PPFIA2: variants seen among roughly 807,000 people sequenced by gnomAD.
PPFIA2 encodes the protein liprin-alpha-2.
A neutral mutation model predicts 175.5 loss-of-function variants in PPFIA2; 46 were observed. That is an observed-to-expected ratio of 0.26 (90% CI 0.21 to 0.34). PPFIA2 has a LOEUF of 0.34. Among genes scored for constraint, PPFIA2 ranks in the 10% least tolerant of loss-of-function variants. The probability of loss-of-function intolerance (pLI) is 1.00; values close to 1 mark genes in which losing one functional copy is unlikely to be tolerated. For missense variants in PPFIA2, 1,179 were observed against 1,506.1 expected, an observed-to-expected ratio of 0.78 and a Z score of 3.60; for synonymous variants, 568 against 511.4, an observed-to-expected ratio of 1.11 and a Z score of -1.49.
In PPFIA2 at chr12:81,352,040, C is replaced by A. The variant is rs1049143874; in HGVS notation, c.1994+1079G>T. On this transcript the variant is annotated intron_variant, in intron 17 of 32. Transcript: ENST00000549396. ...TTTATTTTTTCTCAAGTGTTCCAGG[C>A]AGAGAAGAGGACTCTATCCTGCTTT... is the stretch of plus-strand genomic sequence containing the variant. 2.6e-5 allele frequency among the ~76,000 whole-genome samples: 4 copies of A among 152,198 alleles called. No individual in the cohort carries two copies. The East Asian group carries it at 7.8e-4, about 30-fold the overall frequency.
intron 4 of PPFIA2, among the ~76,000 whole-genome samples, chr12:81,613,240 G>C (rs1378150461): frequency 6.6e-6 from 1 of 152,046 alleles, no homozygotes; most frequent in Non-Finnish European, 1.5e-5. Context: ...TGCCTACATA[G>C]TTCCAGAGTT....
chr12:81,492,986 C>A (rs951351699), intron 4 of PPFIA2, among the ~76,000 whole-genome samples: 6 of 151,848 alleles, frequency 4.0e-5, no homozygotes, highest in African/African-American at 1.5e-4. Flanking sequence ...GCAGGTTGAA[C>A]AATTATATGT....
intron 2 of PPFIA2, 41 bp downstream of exon 2, chr12:81,758,359 C>T: frequency 2.2e-6 from 1 of 455,882 alleles, no homozygotes; most frequent in South Asian, 1.6e-5. Flanking sequence ...TCAAAAAATA[C>T]AGCGAAAGGA....
intron 15 of PPFIA2, among the ~76,000 whole-genome samples, chr12:81,361,381 T>C (rs2030233359): frequency 6.6e-6 from 1 of 151,690 alleles, no homozygotes; most frequent in Non-Finnish European, 1.5e-5. Flanking sequence ...ACACATAACA[T>C]TGAAATAATA....
At chr12:81,373,957 T>C (rs542972653) in intron 11 of PPFIA2, among the ~76,000 whole-genome samples, 2 of 152,186 alleles carry the variant, frequency 1.3e-5, no homozygotes, top group East Asian at 1.9e-4. Context: ...TTGTGACATA[T>C]ACATACACTT....
intron 28 of PPFIA2, among the ~76,000 whole-genome samples, chr12:81,275,613 C>T (rs1293852851): frequency 6.6e-6 from 1 of 151,998 alleles, no homozygotes; most frequent in Non-Finnish European, 1.5e-5. Flanking sequence ...GAGATTCATG[C>T]CTACCCTTGA....
intron 6 of PPFIA2, among the ~76,000 whole-genome samples, chr12:81,443,641 G>A (rs1195484021): frequency 1.3e-5 from 2 of 151,898 alleles, no homozygotes; most frequent in African/African-American, 4.8e-5. Context: ...CAAGTGATAT[G>A]GGAATGCTTA....
intron 10 of PPFIA2, among the ~76,000 whole-genome samples, chr12:81,375,163 C>T (rs1271253256): frequency 2.0e-5 from 3 of 152,116 alleles, no homozygotes; most frequent in Admixed American, 2.0e-4. Context: ...ATAAGGTTGA[C>T]AAACATTTTC....
intron 22 of PPFIA2, among the ~76,000 whole-genome samples, chr12:81,317,489 G>T (rs1055879313): frequency 7.2e-6 from 1 of 139,232 alleles, no homozygotes; most frequent in Non-Finnish European, 1.6e-5. Flanking sequence ...CTGGAAAGAA[G>T]AAAATCAACA....
chr12:81,344,544 TTAAA>T, intron 19 of PPFIA2, 116 bp downstream of exon 19: 1 of 657,928 alleles, frequency 1.5e-6, no homozygotes, highest in Non-Finnish European at 2.5e-6. Context: ...TCAATACACT[TTAAA>T]TACTCTCAAC....
chr12:81,707,381 C>T (rs1203647560), intron 3 of PPFIA2, among the ~76,000 whole-genome samples: 1 of 152,120 alleles, frequency 6.6e-6, no homozygotes, highest in Non-Finnish European at 1.5e-5. Flanking sequence ...AGTCACTTCT[C>T]AGAAGAAGAC....
At chr12:81,741,251 T>C (rs1922566) in intron 3 of PPFIA2, among the ~76,000 whole-genome samples, 25,927 of 152,218 alleles carry the variant, frequency 0.17, 2,678 homozygotes, top group Middle Eastern at 0.28. Flanking sequence ...TCATACATAA[T>C]GACACTCGTG....
chr12:81,288,121 ACTACT>A (rs2043955170), intron 24 of PPFIA2, among the ~76,000 whole-genome samples: 1 of 151,860 alleles, frequency 6.6e-6, no homozygotes, highest in Non-Finnish European at 1.5e-5. Context: ...CTTACTAATG[ACTACT>A]CTAGGACATT....
chr12:81,460,686 C>T (rs928619464), intron 4 of PPFIA2, among the ~76,000 whole-genome samples: 5 of 152,100 alleles, frequency 3.3e-5, no homozygotes, highest in Non-Finnish European at 5.9e-5. Flanking sequence ...TTACTGTGAA[C>T]ATGAACTGAG....
intron 8 of PPFIA2, among the ~76,000 whole-genome samples, chr12:81,395,039 G>A (rs1212490534): frequency 1.3e-5 from 2 of 151,926 alleles, no homozygotes; most frequent in Admixed American, 1.3e-4. Flanking sequence ...TGAAAAGGAA[G>A]AGAAGAGAAA....
At chr12:81,734,305 CTT>C (rs2081297429) in intron 3 of PPFIA2, among the ~76,000 whole-genome samples, 1 of 151,876 alleles carries the variant, frequency 6.6e-6, no homozygotes, top group South Asian at 2.1e-4. Flanking sequence ...GAAAAAATCT[CTT>C]TGCTCTGAGA....
intron 30 of PPFIA2, among the ~76,000 whole-genome samples, chr12:81,266,064 A>G (rs1593383109): frequency 6.6e-6 from 1 of 152,310 alleles, no homozygotes; most frequent in East Asian, 1.9e-4. Context: ...ACCATAAAGG[A>G]CAGAGTGGAT....
chr12:81,328,604 T>C (rs569095984), intron 21 of PPFIA2, among the ~76,000 whole-genome samples: 224 of 152,288 alleles, frequency 1.5e-3, no homozygotes, highest in Non-Finnish European at 1.3e-3. Flanking sequence ...TGGCTTATAT[T>C]GTATCAATGT....
At chr12:81,323,191 C>A (rs1021972074) in intron 22 of PPFIA2, among the ~76,000 whole-genome samples, 3 of 151,354 alleles carry the variant, frequency 2.0e-5, no homozygotes, top group African/African-American at 7.4e-5. Flanking sequence ...TTCTAAATAG[C>A]TGCTATCCTA....
Sources: allele counts gnomAD v4.1 joint callset (sites outside exome capture counted in the v4.1 genomes callset), GRCh38; gene constraint gnomAD v4.1.1; transcripts MANE v1.5; gene names NCBI Gene and HGNC (gene_info 2026-07-23, HGNC 2026-07-21).